FBXL13: variants seen among roughly 807,000 people sequenced by gnomAD.
FBXL13 encodes the protein F-box and leucine rich repeat protein 13.
Under a neutral mutation model 83.6 loss-of-function variants are expected in FBXL13, and 67 were observed. The ratio of observed to expected loss-of-function variants is 0.80; its 90% CI spans 0.66 to 0.98. The LOEUF (loss-of-function observed/expected upper bound fraction) is 0.98, where lower values mean the gene tolerates loss of function less well. Ranked by LOEUF, FBXL13 falls within the 50% of genes least tolerant of loss-of-function variation. FBXL13 has a pLI of 0.00. For missense variants in FBXL13, 822 were observed against 866.5 expected, an observed-to-expected ratio of 0.95 and a Z score of 0.64; for synonymous variants, 272 against 299.5, an observed-to-expected ratio of 0.91 and a Z score of 0.95.
chr7:103,006,774 AAC>A (rs781259792), intron 6 of FBXL13, among the ~76,000 whole-genome samples: 1 of 152,174 alleles, frequency 6.6e-6, no homozygotes, highest in African/African-American at 2.4e-5. Flanking sequence ...CAAAAATAGA[AAC>A]ACACAGAGAA....
At chr7:102,819,459 C>T (rs1410183590) in intron 19 of FBXL13, among the ~76,000 whole-genome samples, 2 of 152,130 alleles carry the variant, frequency 1.3e-5, no homozygotes, top group Admixed American at 6.5e-5. Flanking sequence ...AAGTTTGCTA[C>T]TCCTCTGGTT....
At chr7:102,924,007 A>G (rs1397988114) in intron 10 of FBXL13, among the ~76,000 whole-genome samples, 2 of 152,130 alleles carry the variant, frequency 1.3e-5, no homozygotes, top group African/African-American at 4.8e-5. Flanking sequence ...TGGGAGGCCA[A>G]GGAGGGTGGA....
chr7:102,885,806 G>A (rs1272896623), intron 11 of FBXL13, among the ~76,000 whole-genome samples: 1 of 152,080 alleles, frequency 6.6e-6, no homozygotes. Context: ...CATAGTGTGA[G>A]GTAGGGGTCC....
chr7:103,033,376 T>G (rs1170915161), intron 2 of FBXL13, among the ~76,000 whole-genome samples: 1 of 152,170 alleles, frequency 6.6e-6, no homozygotes. Context: ...AGGAAAGGCA[T>G]TGTGTCCAGA....
chr7:102,877,780 A>G (rs1057159132), intron 15 of FBXL13, among the ~76,000 whole-genome samples, 187 bp from the exon 17 acceptor site: 5 of 152,228 alleles, frequency 3.3e-5, no homozygotes, highest in Non-Finnish European at 7.3e-5. Flanking sequence ...AGGGCAGTAG[A>G]TTATTATATG....
At chr7:103,067,705 C>T (rs1269974557) in intron 1 of FBXL13, among the ~76,000 whole-genome samples, 1 of 152,202 alleles carries the variant, frequency 6.6e-6, no homozygotes, top group Non-Finnish European at 1.5e-5. Context: ...TGATTTTAAC[C>T]TCAGCCACTC....
intron 16 of FBXL13, among the ~76,000 whole-genome samples, chr7:102,856,168 T>G (rs994158670): frequency 2.6e-5 from 4 of 152,254 alleles, no homozygotes; most frequent in African/African-American, 9.6e-5. Context: ...GTGGATTCTT[T>G]TGCTAGGAAC....
intron 18 of FBXL13, among the ~76,000 whole-genome samples, chr7:102,824,928 T>G (rs1799372179): frequency 6.6e-6 from 1 of 152,034 alleles, no homozygotes; most frequent in Non-Finnish European, 1.5e-5. Context: ...CTCGCTTTCA[T>G]CTTGCTTTTT....
At chr7:102,868,391 A>G (rs1395189363) in intron 16 of FBXL13, among the ~76,000 whole-genome samples, 1 of 152,106 alleles carries the variant, frequency 6.6e-6, no homozygotes, top group Non-Finnish European at 1.5e-5. Context: ...GATTCCGCAT[A>G]TGAGTGAGAT....
intron 8 of FBXL13, chr7:102,942,278 CCT>C: frequency 1.9e-6 from 3 of 1,591,920 alleles, no homozygotes; most frequent in Non-Finnish European, 2.6e-6. Context: ...TGAAAGGTCT[CCT>C]ATATTTCAGG....
At chr7:102,965,596 G>C (rs1407408388) in intron 7 of FBXL13, among the ~76,000 whole-genome samples, 1 of 152,096 alleles carries the variant, frequency 6.6e-6, no homozygotes, top group Non-Finnish European at 1.5e-5. Context: ...CATACACTCT[G>C]GCAATTTCTA....
intron 11 of FBXL13, among the ~76,000 whole-genome samples, chr7:102,911,799 G>A (rs1392130138): frequency 6.6e-6 from 1 of 152,186 alleles, no homozygotes; most frequent in East Asian, 1.9e-4. Context: ...GAACGTCAAT[G>A]CCATCTCAGT....
intron 8 of FBXL13, among the ~76,000 whole-genome samples, chr7:102,961,167 C>T (rs1286882617): frequency 2.6e-5 from 4 of 151,098 alleles, no homozygotes; most frequent in Non-Finnish European, 5.9e-5. Flanking sequence ...GCACAAAAAT[C>T]ACAAGCATTC....
chr7:102,832,515 T>C (rs1400823943), intron 18 of FBXL13, among the ~76,000 whole-genome samples: 1 of 152,262 alleles, frequency 6.6e-6, no homozygotes, highest in South Asian at 2.1e-4. Context: ...CATTCTTTCA[T>C]CAGTTCCTAC....
chr7:103,007,764 G>C (rs1361624062), intron 6 of FBXL13, among the ~76,000 whole-genome samples: 1 of 152,008 alleles, frequency 6.6e-6, no homozygotes, highest in Non-Finnish European at 1.5e-5. Flanking sequence ...ACATTCTACA[G>C]TCATTAGATT....
At chr7:103,024,467 C>T (rs1435314185) in intron 6 of FBXL13, among the ~76,000 whole-genome samples, 1 of 140,728 alleles carries the variant, frequency 7.1e-6, no homozygotes, top group African/African-American at 2.7e-5. Flanking sequence ...GCGGAGGTTG[C>T]AGTGAGCTGA....
At chr7:102,863,969 C>T (rs1271304901) in intron 16 of FBXL13, among the ~76,000 whole-genome samples, 1 of 151,954 alleles carries the variant, frequency 6.6e-6, no homozygotes, top group Non-Finnish European at 1.5e-5. Flanking sequence ...ACTATCAAAA[C>T]CTCATTATTT....
intron 16 of FBXL13, among the ~76,000 whole-genome samples, chr7:102,862,775 C>A (rs910043609): frequency 6.6e-6 from 1 of 152,182 alleles, no homozygotes; most frequent in Non-Finnish European, 1.5e-5. Context: ...TTTGAAATAG[C>A]ATCTTCCTTG....
chr7:102,934,197 C>T lies in FBXL13; in HGVS notation c.725-2264G>A, dbSNP rs34613342. ...CTGCTAGCAAGAAACAAGATCCGCA[C>T]ATTGAAGAACAACATGTTTTCCAAG... On this transcript the variant is annotated intron_variant, in intron 8 of 19. Transcript: ENST00000313221. The T allele has an allele frequency of 6.8e-4, 1,097 of 1,614,224 alleles. 7 individuals carry two copies. In the African/African-American group the frequency reaches 0.014, roughly 20 times the overall value.
Sources: allele counts gnomAD v4.1 joint callset (sites outside exome capture counted in the v4.1 genomes callset), GRCh38; gene constraint gnomAD v4.1.1; transcripts MANE v1.5; gene names NCBI Gene and HGNC (gene_info 2026-07-23, HGNC 2026-07-21).